Variants in CEP85L observed in about 807,000 individuals in gnomAD.
CEP85L encodes the protein centrosomal protein 85L.
Under a neutral mutation model 100.3 loss-of-function variants are expected in CEP85L, and 60 were observed. The observed-to-expected ratio is 0.60, with a 90% CI of 0.49 to 0.74. The LOEUF (loss-of-function observed/expected upper bound fraction) is 0.74. Ranked by LOEUF, CEP85L falls within the 30% of genes least tolerant of loss-of-function variation. The pLI is 0.00. For synonymous variants in CEP85L, 319 were observed against 322.7 expected, an observed-to-expected ratio of 0.99 and a Z score of 0.12; for missense variants, 973 against 936.2, an observed-to-expected ratio of 1.04 and a Z score of -0.51.
intron 2 of CEP85L, among the ~76,000 whole-genome samples, chr6:118,596,266 T>C (rs1252634219): frequency 1.3e-5 from 2 of 152,308 alleles, no homozygotes; most frequent in Non-Finnish European, 2.9e-5. Flanking sequence ...GTTTTAAAGT[T>C]GCTATTATAT....
Position 118,470,662 on chromosome 6 carries a change from A to T in CEP85L, c.1915-18T>A. On this transcript the variant is annotated intron_variant, in intron 10 of 12. Transcript: ENST00000368491. ...TGCATAGACTAGAATTTTTAAAAAA[A>T]TTGGAAAGCAAAACAGGTTAACATG... The T allele has an allele frequency of 6.8e-7, 1 of 1,467,718 alleles. No individual in the cohort carries two copies. The highest frequency in any genetic ancestry group is 2.3e-5 in the East Asian group (1 of 43,172). The allele number at this position is 1,467,718 out of a possible 1,614,324, so 90.9% of individuals were successfully genotyped here.
chr6:118,696,337 G>A (rs1777210323), intron 1 of CEP85L, among the ~76,000 whole-genome samples: 1 of 152,116 alleles, frequency 6.6e-6, no homozygotes, highest in South Asian at 2.1e-4. Flanking sequence ...TCCAGAATAA[G>A]TAATAGTACA....
At chr6:118,578,412 C>T (rs1000256254) in intron 2 of CEP85L, among the ~76,000 whole-genome samples, 1 of 152,280 alleles carries the variant, frequency 6.6e-6, no homozygotes, top group South Asian at 2.1e-4. Context: ...GGGGAAAGGA[C>T]ACAGAAACAG....
chr6:118,608,769 G>A (rs1772417841), intron 2 of CEP85L, among the ~76,000 whole-genome samples: 1 of 152,180 alleles, frequency 6.6e-6, no homozygotes, highest in Admixed American at 6.5e-5. Flanking sequence ...AAACATGTAT[G>A]TATGTATATG....
At chr6:118,703,000 A>AC in intron 1 of CEP85L, among the ~76,000 whole-genome samples, 1 of 150,626 alleles carries the variant, frequency 6.6e-6, no homozygotes, top group East Asian at 1.9e-4. Context: ...TGTCTCAAAA[A>AC]AAAAAAAAAA....
intron 3 of CEP85L, among the ~76,000 whole-genome samples, chr6:118,530,755 T>C (rs768163641): frequency 1.3e-5 from 2 of 150,958 alleles, no homozygotes; most frequent in African/African-American, 2.4e-5. Flanking sequence ...CCATTGACAA[T>C]AGCCACAAAA....
At chr6:118,569,684 G>C (rs576233946) in intron 2 of CEP85L, among the ~76,000 whole-genome samples, 6 of 151,584 alleles carry the variant, frequency 4.0e-5, no homozygotes, top group South Asian at 2.1e-4. Flanking sequence ...CAAAATGTTA[G>C]TTATTATGAT....
At chr6:118,697,701 G>A (rs1777259552) in intron 1 of CEP85L, among the ~76,000 whole-genome samples, 1 of 152,192 alleles carries the variant, frequency 6.6e-6, no homozygotes, top group African/African-American at 2.4e-5. Context: ...CCAGGAAGAA[G>A]AGCCATCAGT....
chr6:118,504,673 T>C (rs945146620), intron 5 of CEP85L, among the ~76,000 whole-genome samples: 1 of 152,220 alleles, frequency 6.6e-6, no homozygotes, highest in Non-Finnish European at 1.5e-5. Context: ...GAGGGAGTTA[T>C]GTGAACTCTG....
intron 1 of CEP85L, among the ~76,000 whole-genome samples, chr6:118,674,481 G>A (rs376241542): frequency 4.0e-5 from 6 of 150,852 alleles, no homozygotes; most frequent in East Asian, 1.9e-4. Flanking sequence ...CCGAGATTGC[G>A]CCACTGTACT....
chr6:118,646,287 A>G (rs890454987), intron 1 of CEP85L, among the ~76,000 whole-genome samples: 2 of 147,674 alleles, frequency 1.4e-5, no homozygotes, highest in African/African-American at 4.9e-5. Context: ...ATGACCCTAT[A>G]CAATAAATTG....
chr6:118,540,421 T>C (rs917411489), intron 3 of CEP85L, among the ~76,000 whole-genome samples: 1 of 152,078 alleles, frequency 6.6e-6, no homozygotes, highest in Non-Finnish European at 1.5e-5. Flanking sequence ...CTTAAAAGAT[T>C]ATAGCTCAAA....
intron 3 of CEP85L, among the ~76,000 whole-genome samples, chr6:118,524,411 T>C (rs1408264309): frequency 6.6e-6 from 1 of 152,160 alleles, no homozygotes; most frequent in African/African-American, 2.4e-5. Context: ...GCCACTGCAC[T>C]CTAGCCTGGG....
chr6:118,516,924 T>C (rs866722782), intron 4 of CEP85L, among the ~76,000 whole-genome samples: 12 of 152,240 alleles, frequency 7.9e-5, no homozygotes, highest in African/African-American at 2.9e-4. Context: ...AATTTTTGTT[T>C]AAGGTGTAAG....
intron 3 of CEP85L, among the ~76,000 whole-genome samples, chr6:118,524,431 A>C (rs901176035): frequency 9.2e-5 from 14 of 151,694 alleles, no homozygotes; most frequent in African/African-American, 3.1e-4. Flanking sequence ...GTGACAGAGC[A>C]AGACTCTGTC....
At chr6:118,700,692 G>A (rs576060579) in intron 1 of CEP85L, among the ~76,000 whole-genome samples, 1 of 152,296 alleles carries the variant, frequency 6.6e-6, no homozygotes, top group South Asian at 2.1e-4. Context: ...AGTGGGAGTG[G>A]GATGTGAGGA....
chr6:118,500,350 C>T (rs149719585), intron 5 of CEP85L, among the ~76,000 whole-genome samples: 1 of 122,262 alleles, frequency 8.2e-6, no homozygotes, highest in African/African-American at 3.0e-5. Context: ...ATCATGAACG[C>T]AGGACGTGGG....
At chr6:118,485,161 C>T (rs1168613163) in intron 6 of CEP85L, among the ~76,000 whole-genome samples, 5 of 152,148 alleles carry the variant, frequency 3.3e-5, no homozygotes, top group East Asian at 1.9e-4. Flanking sequence ...ATAGTCAAAG[C>T]TCTTTCATAT....
intron 2 of CEP85L, among the ~76,000 whole-genome samples, chr6:118,607,154 A>G (rs1272168966): frequency 6.6e-6 from 1 of 152,026 alleles, no homozygotes; most frequent in East Asian, 1.9e-4. Flanking sequence ...CCAATATCAA[A>G]CTGGCAAGGC....
Sources: gnomAD v4.1 joint callset for allele counts (sites outside exome capture counted in the v4.1 genomes callset) on GRCh38, gnomAD v4.1.1 for gene constraint, MANE v1.5 for transcripts, NCBI Gene and HGNC (gene_info 2026-07-23, HGNC 2026-07-21) for gene names.